Variants in PGK1 observed in about 807,000 individuals in gnomAD.
PGK1 encodes the protein phosphoglycerate kinase 1.
In PGK1, 3 loss-of-function variants were observed where a neutral mutation model predicts 26.9. The observed-to-expected ratio is 0.11, with a 90% confidence interval of 0.05 to 0.29. PGK1 has a LOEUF of 0.29. PGK1 is among the 10% of genes least tolerant of loss of function. The pLI, the probability that PGK1 is intolerant of heterozygous loss-of-function variation, is 1.00. For missense variants in PGK1, 270 were observed against 314.7 expected (o/e 0.86, Z 1.07); for synonymous variants, 125 against 115.3 (o/e 1.08, Z -0.54).
At position 78,117,370 on chromosome X, in the gene PGK1, A is replaced by G. The variant is rs868923506; in HGVS notation, c.476A>G (p.Asp159Gly). 8.3e-7 allele frequency: 1 copy of G among 1,204,040 alleles called. No homozygotes were observed. Among genetic ancestry groups the G allele is most frequent in the African/African-American group, 1.8e-5 (1 of 56,979 alleles). Residue 159 changes from aspartate to glycine, a missense_variant, in exon 5 of 11, where the codon GAT (aspartate) becomes GGT (glycine). Around this residue, in one of 3 missense-constraint regions of PGK1, gnomAD observed 150 missense variants for 154.6 expected, o/e 0.97. Coordinates refer to ENST00000373316, the MANE Select transcript of PGK1 (RefSeq NM_000291.4). ...CGAGCTTCACTTTCCAAGCTAGGGG[A>G]TGTCTATGTCAATGATGCTTTTGGC... ...AFRASLSKLGDVYVNDAFGTA... is the reference protein window; with the variant it reads ...AFRASLSKLGGVYVNDAFGTA...
chrX:78,113,931 T>C, intron 3 of PGK1, 32 bp downstream of exon 3: 2 of 1,209,380 alleles, frequency 1.7e-6, no homozygotes, highest in Non-Finnish European at 1.1e-6. Flanking sequence ...TGGTAGACTT[T>C]GTGGCGGGGG....
intron 3 of PGK1, 33 bp downstream of exon 3, chrX:78,113,932 G>C: frequency 8.3e-7 from 1 of 1,209,117 alleles, no homozygotes; most frequent in Non-Finnish European, 1.1e-6. Flanking sequence ...GGTAGACTTT[G>C]TGGCGGGGGA....
In PGK1 at chrX:78,119,133, G is replaced by T. The variant is rs192730529; in HGVS notation, c.641+963G>T. 9.3e-3 allele frequency among the ~76,000 whole-genome samples: 1,029 copies of T among 111,134 alleles called. 11 individuals are homozygous for T. The highest frequency in any genetic ancestry group is 0.032 in the African/African-American group (969 of 30,530). ...AGGGTATAACCATATAATCTGGCAG[G>T]GTATAACCATATAATCTGGCAGGGT... is the stretch of plus-strand genomic sequence containing the variant. On this transcript the variant is annotated intron_variant, in intron 6 of 10. Transcript: ENST00000373316.
intron 1 of PGK1, among the ~76,000 whole-genome samples, chrX:78,107,177 TAGAG>T (rs1192607786): frequency 9.0e-6 from 1 of 111,638 alleles, no homozygotes; most frequent in Non-Finnish European, 1.9e-5. Flanking sequence ...GTTACAAAGT[TAGAG>T]AGGTCTTGTG....
rs957573990 is a variant in PGK1 at position 78,114,241 on chromosome X, A to T, written c.417+81A>T. The T allele has an allele frequency of 1.1e-5, 11 of 996,817 alleles. No individual in the cohort carries two copies. In the African/African-American group the frequency reaches 1.1e-4, roughly 10 times the overall value. The allele number at this position is 996,817 out of a possible 1,213,427, so 82.1% of individuals were successfully genotyped here. On this transcript the variant is annotated intron_variant, in intron 4 of 10. Coordinates refer to ENST00000373316, the MANE Select transcript of PGK1 (RefSeq NM_000291.4). ...TGTGGTTGAAGAATAGAGAAAGCTC[A>T]TTTATTTTAACTTAGACACCTTTTA... is the stretch of plus-strand genomic sequence containing the variant.
chrX:78,122,698 G>A, intron 6 of PGK1, 137 bp from the exon 7 acceptor site: 1 of 479,630 alleles, frequency 2.1e-6, no homozygotes, highest in Non-Finnish European at 3.7e-6. Flanking sequence ...GAGAAACATA[G>A]GGCAAAGTTA....
At chrX:78,121,369 CCTTT>C (rs1557248013) in intron 6 of PGK1, among the ~76,000 whole-genome samples, 3 of 112,136 alleles carry the variant, frequency 2.7e-5, no homozygotes, top group East Asian at 2.8e-4. Context: ...AAATTGAACT[CCTTT>C]CTAACTGCTT....
chrX:78,119,322 G>A (rs1603398046), intron 6 of PGK1, among the ~76,000 whole-genome samples: 1 of 112,126 alleles, frequency 8.9e-6, no homozygotes, highest in Admixed American at 9.4e-5. Flanking sequence ...GTTAAAAATA[G>A]AAATTTCAGA....
At chrX:78,114,693 A>T (rs1557247294) in intron 4 of PGK1, among the ~76,000 whole-genome samples, 1 of 111,874 alleles carries the variant, frequency 8.9e-6, no homozygotes, top group African/African-American at 3.2e-5. Flanking sequence ...TTTTTCTATA[A>T]ATGGCCAGAT....
chrX:78,124,761 A>G (rs1252259484), intron 8 of PGK1, 113 bp from the exon 9 acceptor site: 3 of 608,475 alleles, frequency 4.9e-6, no homozygotes, highest in Non-Finnish European at 8.4e-6. Context: ...GAAGGGTACT[A>G]TTTGTTTCTA....
intron 4 of PGK1, among the ~76,000 whole-genome samples, chrX:78,115,797 T>C (rs1008791545): frequency 1.8e-5 from 2 of 112,395 alleles, no homozygotes; most frequent in Non-Finnish European, 3.8e-5. Flanking sequence ...CTGATTGATA[T>C]TATTTCCATG....
At chrX:78,106,110 G>A (rs2078271437) in intron 1 of PGK1, among the ~76,000 whole-genome samples, 1 of 111,495 alleles carries the variant, frequency 9.0e-6, no homozygotes, top group East Asian at 2.8e-4. Context: ...AGCTGGGGGC[G>A]GGATTGGAGG....
intron 1 of PGK1, among the ~76,000 whole-genome samples, chrX:78,104,740 C>T (rs1346675720): frequency 8.9e-6 from 1 of 111,824 alleles, no homozygotes; most frequent in Non-Finnish European, 1.9e-5. Context: ...AATGCTTATC[C>T]TGCAAATCTC....
chrX:78,126,069 T>G lies in PGK1; in HGVS notation c.*239T>G. 2.4e-6 allele frequency: 1 copy of G among 424,354 alleles called. No individual in the cohort carries two copies. The highest frequency in any genetic ancestry group is 4.1e-6 in the Non-Finnish European group (1 of 242,052). The allele number at this position is 424,354 out of a possible 1,213,427, so 35.0% of individuals were successfully genotyped here. On this transcript the variant is annotated 3_prime_UTR_variant, in exon 11 of 11. Transcript: ENST00000373316. ...TTTTAGTGACTAAACCATTGTGCAT[T>G]CTAGAGTGCATATATTTATATTTTG...
chrX:78,114,068 G>A lies in PGK1; in HGVS notation c.325G>A (p.Ala109Thr), dbSNP rs2149132227. Reference sequence around the variant, plus strand: ...AGGCCCAGAAGTGGAGAAAGCCTGTGCCAACCCAGCTGCTGGGTCTGTCAT... The same window carrying A: ...AGGCCCAGAAGTGGAGAAAGCCTGTACCAACCCAGCTGCTGGGTCTGTCAT... Reference protein sequence around the residue: ...CVGPEVEKACANPAAGSVILL... With the variant: ...CVGPEVEKACTNPAAGSVILL... The change falls in exon 4 of 11, where the codon GCC becomes ACC. Residue 109 changes from alanine to threonine, a missense_variant. Physicochemically the swap from Ala to Thr is moderately conservative, Grantham distance 58. This residue lies in a region of PGK1 where 150 missense variants were observed against 154.6 expected (regional missense o/e 0.97). Coordinates refer to ENST00000373316, the MANE Select transcript of PGK1 (RefSeq NM_000291.4). 1 of 1,207,537 alleles carries A rather than the reference G, an allele frequency of 8.3e-7. No homozygotes were observed. Among genetic ancestry groups the A allele is most frequent in the South Asian group, 1.8e-5 (1 of 56,748 alleles).
chrX:78,110,007 C>T (rs1255688979), intron 2 of PGK1, 90 bp downstream of exon 2: 4 of 616,875 alleles, frequency 6.5e-6, no homozygotes, highest in Non-Finnish European at 1.1e-5. Context: ...TATTATGGAA[C>T]TGTAGCAACT....
In PGK1 at chrX:78,125,034, G is replaced by A. The variant is rs1557248507; in HGVS notation, c.1097G>A (p.Gly366Asp). ...GAGGTGGTGAAAGCCACTTCTAGGGGCTGCATCACCATCATAGGTAAGCGG... is the reference window on the plus strand; with the variant it reads ...GAGGTGGTGAAAGCCACTTCTAGGGACTGCATCACCATCATAGGTAAGCGG... Reference protein sequence around the residue: ...MDEVVKATSRGCITIIGGGDT... With the variant: ...MDEVVKATSRDCITIIGGGDT... The change falls in exon 9 of 11, where the codon GGC (glycine) becomes GAC (aspartate). Residue 366 changes from glycine (G) to aspartate (D), a missense_variant. Physicochemically the swap from Gly to Asp is moderately conservative, Grantham distance 94. Transcript: ENST00000373316. The A allele has an allele frequency of 1.7e-6, 2 of 1,209,001 alleles. No homozygotes were observed. Among genetic ancestry groups the A allele is most frequent in the Non-Finnish European group, 2.2e-6 (2 of 892,994 alleles).
chrX:78,106,800 T>C (rs2078274586), intron 1 of PGK1: 1 of 158,399 alleles, frequency 6.3e-6, no homozygotes, highest in Non-Finnish European at 1.0e-5. Flanking sequence ...TAATTTCCTT[T>C]CTTTCTCTCA....
chrX:78,127,949 C>T lies in PGK1; in HGVS notation c.*2119C>T, dbSNP rs1557248876. 8.9e-6 allele frequency: 1 copy of T among 111,820 alleles called. No individual in the cohort carries two copies. The highest frequency in any genetic ancestry group is 1.9e-5 in the Non-Finnish European group (1 of 53,166). 9.2% of individuals were successfully genotyped at this position (111,820 alleles called of 1,213,427 possible). ...ATGGAACTGAAAGAAGCATAAACTCCCATAAACCCAGCACCTAGACTCTAC... is the reference window on the plus strand; with the variant it reads ...ATGGAACTGAAAGAAGCATAAACTCTCATAAACCCAGCACCTAGACTCTAC... On this transcript the variant is annotated 3_prime_UTR_variant, in exon 11 of 11. Coordinates refer to ENST00000373316, the MANE Select transcript of PGK1 (RefSeq NM_000291.4).
Sources: gnomAD v4.1 joint callset for allele counts (sites outside exome capture counted in the v4.1 genomes callset) on GRCh38, gnomAD v4.1.1 for gene constraint, gnomAD v4.1.1 regional missense constraint, MANE v1.5 for transcripts, NCBI Gene and HGNC (gene_info 2026-07-23, HGNC 2026-07-21) for gene names.